Variants in NSMCE2 observed in about 807,000 individuals in gnomAD.
NSMCE2 encodes NSE2 SUMO ligase component of SMC5/6 complex, also known as E3 SUMO-protein ligase NSE2.
NSMCE2 carries 24 observed loss-of-function variants against 23.8 expected under a neutral mutation model. The observed-to-expected ratio is 1.01, with a 90% CI of 0.73 to 1.42. The LOEUF (loss-of-function observed/expected upper bound fraction) is 1.42. NSMCE2 is among the 40% of genes most tolerant of loss of function. The pLI is 0.00. For missense variants in NSMCE2, 284 were observed against 296.5 expected, an observed-to-expected ratio of 0.96 and a Z score of 0.31; for synonymous variants, 92 against 94.1, an observed-to-expected ratio of 0.98 and a Z score of 0.13.
chr8:125,141,740 C>G (rs1424610927), intron 3 of NSMCE2, among the ~76,000 whole-genome samples: 1 of 152,166 alleles, frequency 6.6e-6, no homozygotes. Context: ...GCCTCTACCC[C>G]AGTCCGGTGA....
At chr8:125,357,642 A>T in intron 6 of NSMCE2, 70 bp from the exon 7 acceptor site, 1 of 1,140,128 alleles carries the variant, frequency 8.8e-7, no homozygotes, top group African/African-American at 1.5e-5. Context: ...AAAGCTCAGG[A>T]CTAGGACGAA....
chr8:125,239,545 G>A (rs1294260418), intron 5 of NSMCE2, among the ~76,000 whole-genome samples: 1 of 149,564 alleles, frequency 6.7e-6, no homozygotes, highest in Non-Finnish European at 1.5e-5. Flanking sequence ...GGAGGCAGAG[G>A]TTGCAGTGAA....
intron 5 of NSMCE2, among the ~76,000 whole-genome samples, chr8:125,246,508 A>G (rs990442494): frequency 1.3e-5 from 2 of 152,134 alleles, no homozygotes; most frequent in Non-Finnish European, 2.9e-5. Flanking sequence ...AATGACCAAA[A>G]TGAGCTTCAA....
At chr8:125,293,032 G>A (rs535576126) in intron 5 of NSMCE2, among the ~76,000 whole-genome samples, 8 of 152,308 alleles carry the variant, frequency 5.3e-5, no homozygotes, top group African/African-American at 1.9e-4. Flanking sequence ...CCTGGTTTAG[G>A]TCTGATACCA....
chr8:125,227,177 T>TG (rs1187520878), intron 5 of NSMCE2, among the ~76,000 whole-genome samples: 2 of 151,986 alleles, frequency 1.3e-5, no homozygotes, highest in Non-Finnish European at 2.9e-5. Flanking sequence ...ATCCTCAAAT[T>TG]GGGGGGCAGC....
Position 125,357,710 on chromosome 8 carries a change from A to T in NSMCE2, c.520-2A>T. On this transcript the variant is annotated splice_acceptor_variant, in intron 6 of 7. Transcript: ENST00000287437. LOFTEE classifies it high-confidence loss of function. The stretch of plus-strand genomic sequence containing the variant: ...GAAAGCCCAACATCTCCTTGATTAC[A>T]GGAGGAAATGAAGAAGCCAGTGAAA... 6.2e-7 allele frequency: 1 copy of T among 1,605,740 alleles called. No homozygotes were observed. The highest frequency in any genetic ancestry group is 8.5e-7 in the Non-Finnish European group (1 of 1,172,304).
At chr8:125,282,725 C>A (rs1054791366) in intron 5 of NSMCE2, among the ~76,000 whole-genome samples, 1 of 152,200 alleles carries the variant, frequency 6.6e-6, no homozygotes, top group Non-Finnish European at 1.5e-5. Flanking sequence ...TGCTTGGGCA[C>A]CAGTAATAAT....
At chr8:125,152,878 T>C (rs1821112805) in intron 4 of NSMCE2, among the ~76,000 whole-genome samples, 1 of 151,628 alleles carries the variant, frequency 6.6e-6, no homozygotes, top group Non-Finnish European at 1.5e-5. Flanking sequence ...GCCAACATAG[T>C]GAAACCCTGT....
At chr8:125,293,986 C>T (rs1828222526) in intron 5 of NSMCE2, among the ~76,000 whole-genome samples, 1 of 152,156 alleles carries the variant, frequency 6.6e-6, no homozygotes, top group African/African-American at 2.4e-5. Context: ...CCCAAGTTCC[C>T]CAGCTCTAGG....
At chr8:125,193,417 C>T (rs1039675613) in intron 5 of NSMCE2, among the ~76,000 whole-genome samples, 4 of 152,158 alleles carry the variant, frequency 2.6e-5, no homozygotes, top group Non-Finnish European at 4.4e-5. Flanking sequence ...ACAGACTTCA[C>T]AAAAGAAGAT....
chr8:125,191,397 A>G (rs1218711866), intron 5 of NSMCE2, among the ~76,000 whole-genome samples: 2 of 152,026 alleles, frequency 1.3e-5, no homozygotes, highest in Non-Finnish European at 1.5e-5. Context: ...CAAGCATACC[A>G]TTCATTTCTT....
chr8:125,169,415 G>A (rs560973559), intron 4 of NSMCE2, among the ~76,000 whole-genome samples: 10 of 152,214 alleles, frequency 6.6e-5, no homozygotes, highest in African/African-American at 2.2e-4. Context: ...ATGTGCTATA[G>A]GCTCCTTAAA....
rs1230682845 is a variant in NSMCE2, at chr8:125,340,817, C to T, written c.419-16402C>T. Among the ~76,000 whole-genome samples, 6 of 152,214 alleles carry T rather than the reference C, an allele frequency of 3.9e-5. No homozygotes were observed. The East Asian group carries it at 7.7e-4, about 19-fold the overall frequency. ...GGATGAGAAACTCATCTCTCCCTCA[C>T]AAGGTCTTTCCAACAATTAAAATTA... is the stretch of plus-strand genomic sequence containing the variant. On this transcript the variant is annotated intron_variant, in intron 5 of 7. Transcript: ENST00000287437.
At chr8:125,276,135 A>T (rs185144900) in intron 5 of NSMCE2, among the ~76,000 whole-genome samples, 339 of 152,296 alleles carry the variant, frequency 2.2e-3, no homozygotes, top group African/African-American at 7.7e-3. Context: ...ATACTCAATT[A>T]CATTTAGACA....
intron 3 of NSMCE2, among the ~76,000 whole-genome samples, chr8:125,116,802 A>G (rs767891382): frequency 1.3e-5 from 2 of 152,084 alleles, no homozygotes; most frequent in African/African-American, 2.4e-5. Context: ...AGAACAAAGC[A>G]TAGTGCCTAA....
chr8:125,324,297 T>G (rs1032621761), intron 5 of NSMCE2, among the ~76,000 whole-genome samples: 21 of 152,264 alleles, frequency 1.4e-4, no homozygotes, highest in African/African-American at 5.1e-4. Flanking sequence ...GGCATCCCAC[T>G]TCGAGATATT....
intron 5 of NSMCE2, among the ~76,000 whole-genome samples, chr8:125,277,123 C>T (rs532866261): frequency 6.6e-6 from 1 of 152,336 alleles, no homozygotes; most frequent in East Asian, 1.9e-4. Flanking sequence ...CTTTCTTCAT[C>T]TTTGTGTCCT....
At chr8:125,108,966 G>T (rs1818600346) in intron 3 of NSMCE2, among the ~76,000 whole-genome samples, 2 of 152,270 alleles carry the variant, frequency 1.3e-5, no homozygotes, top group South Asian at 4.1e-4. Context: ...AATATGGTAA[G>T]ATCCAGTTTT....
intron 5 of NSMCE2, among the ~76,000 whole-genome samples, chr8:125,326,710 C>G (rs1829677218): frequency 6.6e-6 from 1 of 152,190 alleles, no homozygotes; most frequent in Non-Finnish European, 1.5e-5. Flanking sequence ...AATCCCAGCA[C>G]TTTGGGAGGC....
Sources: gnomAD v4.1 joint callset for allele counts (sites outside exome capture counted in the v4.1 genomes callset) on GRCh38, gnomAD v4.1.1 for gene constraint, MANE v1.5 for transcripts, NCBI Gene and HGNC (gene_info 2026-07-23, HGNC 2026-07-21) for gene names.